Variants in NKAIN3 observed in about 807,000 individuals in gnomAD.
NKAIN3 encodes the protein sodium/potassium-transporting ATPase subunit beta-1-interacting protein 3.
NKAIN3 carries 25 observed loss-of-function variants against 30.2 expected under a neutral mutation model. The ratio of observed to expected loss-of-function variants is 0.83; its 90% CI spans 0.60 to 1.16. NKAIN3 has a LOEUF of 1.16. Ranked by LOEUF, NKAIN3 falls within the 50% of genes most tolerant of loss-of-function variation. The probability of loss-of-function intolerance (pLI) is 0.00; values close to 1 mark genes in which losing one functional copy is unlikely to be tolerated. For synonymous variants in NKAIN3, 91 were observed against 89.6 expected, an observed-to-expected ratio of 1.02 and a Z score of -0.09; for missense variants, 225 against 254.1, an observed-to-expected ratio of 0.89 and a Z score of 0.78.
intron 1 of NKAIN3, among the ~76,000 whole-genome samples, chr8:62,475,026 G>A (rs1278717988): frequency 2.0e-5 from 3 of 152,060 alleles, no homozygotes; most frequent in Non-Finnish European, 4.4e-5. Flanking sequence ...AAAAGTCATA[G>A]CTAAAAAGCC....
chr8:62,658,528 G>T (rs1812835660), intron 3 of NKAIN3, among the ~76,000 whole-genome samples: 1 of 152,090 alleles, frequency 6.6e-6, no homozygotes, highest in Non-Finnish European at 1.5e-5. Context: ...TATTATGATG[G>T]TTCACTTTTG....
At chr8:62,903,422 A>T (rs1821670727) in intron 4 of NKAIN3, among the ~76,000 whole-genome samples, 1 of 152,112 alleles carries the variant, frequency 6.6e-6, no homozygotes, top group Non-Finnish European at 1.5e-5. Context: ...AAATAAGAGG[A>T]CCGTCTCTCC....
At chr8:62,495,334 C>T (rs1334829392) in intron 1 of NKAIN3, among the ~76,000 whole-genome samples, 1 of 151,982 alleles carries the variant, frequency 6.6e-6, no homozygotes, top group Non-Finnish European at 1.5e-5. Context: ...AAAGGAAAGA[C>T]AATCTATAGA....
At chr8:62,901,474 G>A (rs1242819270) in intron 4 of NKAIN3, among the ~76,000 whole-genome samples, 1 of 152,138 alleles carries the variant, frequency 6.6e-6, no homozygotes, top group African/African-American at 2.4e-5. Flanking sequence ...TGAGAAAGCT[G>A]ATACTGTGGC....
At chr8:62,427,658 A>G (rs2129597239) in intron 1 of NKAIN3, among the ~76,000 whole-genome samples, 1 of 152,026 alleles carries the variant, frequency 6.6e-6, no homozygotes, top group South Asian at 2.1e-4. Context: ...TTTCTGTGGC[A>G]TTTTCAAGAA....
chr8:62,574,715 C>T (rs948108920), intron 1 of NKAIN3, among the ~76,000 whole-genome samples: 5 of 152,012 alleles, frequency 3.3e-5, no homozygotes, highest in African/African-American at 1.2e-4. Flanking sequence ...TTTGCTATTG[C>T]CTGTTTTTTG....
At position 62,770,900 on chromosome 8, in the gene NKAIN3, G is replaced by T. The variant is rs58948762; in HGVS notation, c.471+23771G>T. On this transcript the variant is annotated intron_variant, in intron 4 of 6. Coordinates refer to ENST00000623646, the MANE Select transcript of NKAIN3 (RefSeq NM_001304533.3). Reference sequence around the variant, plus strand: ...AACAACTGACAGGAGGCTGGTGGGCGGGGGGTGGAGGGAATGCAGAATCCA... The same window carrying T: ...AACAACTGACAGGAGGCTGGTGGGCTGGGGGTGGAGGGAATGCAGAATCCA... Among the ~76,000 whole-genome samples the T allele has an allele frequency of 2.6e-5, 4 of 152,070 alleles. No homozygotes were observed. The East Asian group carries it at 5.8e-4, about 22-fold the overall frequency.
intron 1 of NKAIN3, among the ~76,000 whole-genome samples, chr8:62,415,039 TTATA>T (rs58532853): frequency 1.4e-5 from 2 of 141,070 alleles, no homozygotes; most frequent in Non-Finnish European, 3.0e-5. Flanking sequence ...ATTAGAAATA[TTATA>T]TATATATATA....
At chr8:62,450,002 C>T (rs942194548) in intron 1 of NKAIN3, among the ~76,000 whole-genome samples, 1 of 152,024 alleles carries the variant, frequency 6.6e-6, no homozygotes, top group Non-Finnish European at 1.5e-5. Context: ...ATATTGCAGT[C>T]TTTAGTTTAA....
intron 4 of NKAIN3, among the ~76,000 whole-genome samples, chr8:62,757,217 A>G (rs1310204656): frequency 6.6e-6 from 1 of 152,164 alleles, no homozygotes; most frequent in Non-Finnish European, 1.5e-5. Flanking sequence ...AGGGTGGCAG[A>G]TTTTTCACTT....
At chr8:62,783,723 GCCT>G (rs1817429286) in intron 4 of NKAIN3, among the ~76,000 whole-genome samples, 1 of 150,614 alleles carries the variant, frequency 6.6e-6, no homozygotes, top group Non-Finnish European at 1.5e-5. Context: ...CAATCCTCTG[GCCT>G]CAGCCTCTAG....
chr8:62,843,898 T>G (rs1819600586), intron 4 of NKAIN3, among the ~76,000 whole-genome samples: 1 of 152,112 alleles, frequency 6.6e-6, no homozygotes, highest in Non-Finnish European at 1.5e-5. Flanking sequence ...TTTGCTGGTG[T>G]ATGTACCAAT....
chr8:62,461,581 C>T (rs1806002535), intron 1 of NKAIN3, among the ~76,000 whole-genome samples: 1 of 151,982 alleles, frequency 6.6e-6, no homozygotes, highest in South Asian at 2.1e-4. Flanking sequence ...GTCTGAAGAA[C>T]TAAAGTGTAA....
chr8:62,306,594 T>A (rs1814252405), intron 1 of NKAIN3, among the ~76,000 whole-genome samples: 1 of 140,370 alleles, frequency 7.1e-6, no homozygotes. Context: ...TGTGTTTAGT[T>A]TATGTGTGGG....
chr8:62,530,384 A>C (rs1427679296), intron 1 of NKAIN3, among the ~76,000 whole-genome samples: 2 of 152,172 alleles, frequency 1.3e-5, no homozygotes, highest in Non-Finnish European at 2.9e-5. Flanking sequence ...GACCCTGAGA[A>C]CTGATATCTT....
chr8:62,630,372 A>G (rs192698856), intron 3 of NKAIN3, among the ~76,000 whole-genome samples: 378 of 152,226 alleles, frequency 2.5e-3, no homozygotes, highest in Middle Eastern at 0.01. Context: ...AATGAGGTAT[A>G]AGCCATACAG....
intron 4 of NKAIN3, among the ~76,000 whole-genome samples, chr8:62,791,177 T>A (rs1356685269): frequency 6.6e-6 from 1 of 151,992 alleles, no homozygotes; most frequent in African/African-American, 2.4e-5. Flanking sequence ...TTCCACCCGT[T>A]TAGAGGAAAT....
intron 1 of NKAIN3, among the ~76,000 whole-genome samples, chr8:62,550,068 C>T (rs894701632): frequency 6.6e-6 from 1 of 151,818 alleles, no homozygotes; most frequent in African/African-American, 2.4e-5. Flanking sequence ...GAAACTCTTA[C>T]AATTATAATA....
chr8:62,324,788 CTACCCG>C (rs1161094523), intron 1 of NKAIN3, among the ~76,000 whole-genome samples: 1 of 152,024 alleles, frequency 6.6e-6, no homozygotes, highest in Non-Finnish European at 1.5e-5. Flanking sequence ...TCACAGTATC[CTACCCG>C]TGAGAATGAA....
Sources: gnomAD v4.1 joint callset for allele counts (sites outside exome capture counted in the v4.1 genomes callset) on GRCh38, gnomAD v4.1.1 for gene constraint, MANE v1.5 for transcripts, NCBI Gene and HGNC (gene_info 2026-07-23, HGNC 2026-07-21) for gene names.